Variants in ADAM9 observed in about 807,000 individuals in gnomAD.
ADAM9 encodes the protein ADAM metallopeptidase domain 9, also known as disintegrin and metalloproteinase domain-containing protein 9.
Under a neutral mutation model 108.1 loss-of-function variants are expected in ADAM9, and 54 were observed. The observed-to-expected ratio is 0.50, with a 90% CI of 0.40 to 0.63. The LOEUF is 0.63. ADAM9 is among the 20% of genes least tolerant of loss of function. ADAM9 has a pLI of 0.00. For missense variants in ADAM9, 830 were observed against 997.7 expected (o/e 0.83, Z 2.26); for synonymous variants, 316 against 336.0 (o/e 0.94, Z 0.65).
chr8:39,080,433 C>G (rs1838984442), intron 16 of ADAM9, among the ~76,000 whole-genome samples: 2 of 152,114 alleles, frequency 1.3e-5, no homozygotes, highest in African/African-American at 2.4e-5. Flanking sequence ...TATTTATGTA[C>G]AAGAAAGGAT....
intron 11 of ADAM9, 37 bp downstream of exon 11, chr8:39,026,847 T>C: frequency 1.2e-6 from 2 of 1,612,372 alleles, no homozygotes; most frequent in Non-Finnish European, 1.7e-6. Context: ...TTATTTGGTA[T>C]TGTAGATCCA....
intron 16 of ADAM9, among the ~76,000 whole-genome samples, chr8:39,077,745 A>G (rs1229880481): frequency 6.6e-6 from 1 of 152,140 alleles, no homozygotes; most frequent in African/African-American, 2.4e-5. Flanking sequence ...TGTACTAGAA[A>G]TGTCATGGAG....
At chr8:39,098,557 C>T (rs1839582586) in intron 20 of ADAM9, among the ~76,000 whole-genome samples, 1 of 152,196 alleles carries the variant, frequency 6.6e-6, no homozygotes, top group Admixed American at 6.5e-5. Context: ...TATCTCATTT[C>T]ACTAGTTTTA....
At chr8:39,090,970 G>A (rs1839335417) in intron 19 of ADAM9, among the ~76,000 whole-genome samples, 1 of 152,108 alleles carries the variant, frequency 6.6e-6, no homozygotes, top group Non-Finnish European at 1.5e-5. Flanking sequence ...CTGATTTTAG[G>A]AAGACTTGAG....
At chr8:39,100,179 C>CTATGTATACCTTGTTG (rs1332888997) in intron 20 of ADAM9, among the ~76,000 whole-genome samples, 1 of 151,696 alleles carries the variant, frequency 6.6e-6, no homozygotes, top group Admixed American at 6.6e-5. Context: ...ATGTTTTGGT[C>CTATGTATACCTTGTTG]TATGTATACC....
At chr8:39,052,143 A>G (rs1032292547) in intron 12 of ADAM9, among the ~76,000 whole-genome samples, 1 of 152,138 alleles carries the variant, frequency 6.6e-6, no homozygotes, top group East Asian at 1.9e-4. Flanking sequence ...TTGTGTACCC[A>G]TAGTCTTACC....
rs1481801039 is a variant in ADAM9 at position 39,055,756 on chromosome 8, A to C, written c.1575A>C (p.Gln525His). ...GMCQYYDAQC[Q>H]VIFGSKAKAA... ...GCCAGTATTATGATGCTCAATGTCAAGTCATCTTTGGCTCAAGTAAGATAT... is the reference window on the plus strand; with the variant it reads ...GCCAGTATTATGATGCTCAATGTCACGTCATCTTTGGCTCAAGTAAGATAT... Residue 525 changes from glutamine (Q) to histidine (H), a missense_variant, in exon 14 of 22, where the codon CAA becomes CAC. Gln to His is a conservative substitution (Grantham distance 24). Transcript: ENST00000487273. 3 of 1,613,332 alleles carry C rather than the reference A, an allele frequency of 1.9e-6. No individual in the cohort carries two copies. The East Asian group carries it at 6.7e-5, about 36-fold the overall frequency.
chr8:39,091,963 T>G (rs1839369791), intron 20 of ADAM9, among the ~76,000 whole-genome samples: 1 of 152,170 alleles, frequency 6.6e-6, no homozygotes, highest in Admixed American at 6.5e-5. Flanking sequence ...CCTGTCTCCA[T>G]CTCCCTATGG....
intron 12 of ADAM9, among the ~76,000 whole-genome samples, chr8:39,045,285 T>C (rs1483895733): frequency 9.4e-6 from 1 of 106,040 alleles, no homozygotes; most frequent in Admixed American, 9.4e-5. Flanking sequence ...CATATGTATA[T>C]GTGTGTGTAC....
At chr8:39,065,788 C>T (rs1349443083) in intron 14 of ADAM9, among the ~76,000 whole-genome samples, 2 of 150,570 alleles carry the variant, frequency 1.3e-5, no homozygotes, top group East Asian at 3.9e-4. Flanking sequence ...TTCTAGGGTA[C>T]ATGTGCACAA....
chr8:39,088,695 A>T (rs905601821), intron 18 of ADAM9, among the ~76,000 whole-genome samples: 2 of 152,224 alleles, frequency 1.3e-5, no homozygotes, highest in African/African-American at 4.8e-5. Context: ...AAGAATTTGT[A>T]AAAGTTCTAA....
intron 20 of ADAM9, among the ~76,000 whole-genome samples, chr8:39,101,109 T>C (rs1325683272): frequency 6.6e-6 from 1 of 152,228 alleles, no homozygotes; most frequent in African/African-American, 2.4e-5. Context: ...TTCTAACTAA[T>C]ACAGTTGGTT....
chr8:39,025,040 G>A (rs568134553), intron 9 of ADAM9, among the ~76,000 whole-genome samples: 2 of 152,150 alleles, frequency 1.3e-5, no homozygotes, highest in Admixed American at 6.5e-5. Context: ...AGGTGCTGAG[G>A]TACAGGTGTG....
intron 4 of ADAM9, chr8:39,014,762 G>A: frequency 2.1e-6 from 1 of 482,602 alleles, no homozygotes; most frequent in Non-Finnish European, 3.6e-6. Context: ...ACTTTGCTAT[G>A]TTGAATTGTT....
chr8:39,027,473 C>CTTTA (rs2129434517), intron 11 of ADAM9, among the ~76,000 whole-genome samples: 1 of 152,286 alleles, frequency 6.6e-6, no homozygotes, highest in South Asian at 2.1e-4. Flanking sequence ...GGTGCACATA[C>CTTTA]TTTATCTCCA....
chr8:39,027,236 A>T (rs1836951788), intron 11 of ADAM9, among the ~76,000 whole-genome samples: 1 of 152,212 alleles, frequency 6.6e-6, no homozygotes, highest in South Asian at 2.1e-4. Flanking sequence ...CTGCATAAGA[A>T]GTTTCTTCAC....
chr8:39,052,625 C>A (rs766474959), intron 12 of ADAM9, among the ~76,000 whole-genome samples: 2 of 151,938 alleles, frequency 1.3e-5, no homozygotes, highest in Non-Finnish European at 2.9e-5. Flanking sequence ...GAGGAGGGGG[C>A]ATGTGGAGTA....
chr8:39,011,250 A>G (rs1399578863), intron 2 of ADAM9, among the ~76,000 whole-genome samples: 1 of 152,316 alleles, frequency 6.6e-6, no homozygotes. Flanking sequence ...TCATAAAAGG[A>G]GTTGAATTTC....
intron 6 of ADAM9, chr8:39,018,621 CAGACAT>C (rs1330226914): frequency 3.7e-6 from 2 of 545,396 alleles, no homozygotes; most frequent in Non-Finnish European, 6.5e-6. Flanking sequence ...TTTTTCCCCT[CAGACAT>C]AGTTTATCAT....
Sources: allele counts gnomAD v4.1 joint callset (sites outside exome capture counted in the v4.1 genomes callset), GRCh38; gene constraint gnomAD v4.1.1; transcripts MANE v1.5; gene names NCBI Gene and HGNC (gene_info 2026-07-23, HGNC 2026-07-21).